Variants in HLCS observed in about 807,000 individuals in gnomAD.
The protein encoded by HLCS is biotin--protein ligase.
Under a neutral mutation model 75.0 loss-of-function variants are expected in HLCS, and 53 were observed. The observed-to-expected ratio is 0.71, with a 90% CI of 0.57 to 0.89. The LOEUF (loss-of-function observed/expected upper bound fraction) is 0.89. HLCS is among the 40% of genes least tolerant of loss of function. The probability of loss-of-function intolerance (pLI) is 0.00; values close to 1 mark genes in which losing one functional copy is unlikely to be tolerated. For missense variants in HLCS, 966 were observed against 1,074.0 expected, an observed-to-expected ratio of 0.90 and a Z score of 1.41; for synonymous variants, 431 against 428.6, an observed-to-expected ratio of 1.01 and a Z score of -0.07.
At chr21:36,855,521 G>GGGA in intron 6 of HLCS, among the ~76,000 whole-genome samples, 1 of 126,598 alleles carries the variant, frequency 7.9e-6, no homozygotes, top group Non-Finnish European at 1.6e-5. Flanking sequence ...CTGGGCAACA[G>GGGA]AGCAAGACTC....
chr21:36,936,068 A>G (rs1428656526), intron 4 of HLCS, among the ~76,000 whole-genome samples: 2 of 152,192 alleles, frequency 1.3e-5, no homozygotes, highest in African/African-American at 4.8e-5. Flanking sequence ...TTCCTACCTT[A>G]AATAAAGACT....
intron 5 of HLCS, 106 bp from the exon 6 acceptor site, chr21:36,897,237 C>A: frequency 9.1e-7 from 1 of 1,096,466 alleles, no homozygotes; most frequent in Admixed American, 1.8e-5. Context: ...CTTCCTAATT[C>A]ATGACCAAGA....
At chr21:36,939,113 A>G (rs2067025333) in intron 2 of HLCS, 119 bp from the exon 3 acceptor site, 2 of 862,414 alleles carry the variant, frequency 2.3e-6, no homozygotes, top group Non-Finnish European at 1.7e-6. Context: ...ACAGTCATTA[A>G]TAACAAATTA....
chr21:36,877,462 A>C lies in HLCS; in HGVS notation c.1892+19398T>G, dbSNP rs192477849. Among the ~76,000 whole-genome samples the C allele has an allele frequency of 6.6e-4, 100 of 152,166 alleles. 1 individual carries two copies. The highest frequency in any genetic ancestry group is 2.5e-4 in the Non-Finnish European group (17 of 67,966). On this transcript the variant is annotated intron_variant, in intron 6 of 10. Coordinates refer to ENST00000674895, the MANE Select transcript of HLCS (RefSeq NM_001352514.2). ...AATGTACATCCTTACCTTTTATATC[A>C]ACTTAGCATTAATATTGTACCATGT...
At chr21:36,855,727 C>T (rs1383265972) in intron 6 of HLCS, among the ~76,000 whole-genome samples, 2 of 151,416 alleles carry the variant, frequency 1.3e-5, no homozygotes, top group African/African-American at 4.8e-5. Flanking sequence ...CAGGTGCACG[C>T]CACCACACCT....
At chr21:36,979,145 G>A (rs1601939309) in intron 1 of HLCS, among the ~76,000 whole-genome samples, 1 of 151,880 alleles carries the variant, frequency 6.6e-6, no homozygotes. Context: ...GATGGCGGGC[G>A]CCTGTAGTCC....
At chr21:36,812,871 C>T (rs1034195389) in intron 6 of HLCS, among the ~76,000 whole-genome samples, 3 of 152,076 alleles carry the variant, frequency 2.0e-5, no homozygotes, top group Non-Finnish European at 4.4e-5. Context: ...CCAACCTGGG[C>T]AACAAAGTGA....
chr21:36,848,558 G>A (rs1418939772), intron 6 of HLCS, among the ~76,000 whole-genome samples: 3 of 152,064 alleles, frequency 2.0e-5, no homozygotes, highest in Admixed American at 6.6e-5. Flanking sequence ...TTGAGCCACC[G>A]CGCCCAGCCT....
intron 6 of HLCS, among the ~76,000 whole-genome samples, chr21:36,803,754 G>GAA (rs34392668): frequency 7.0e-6 from 1 of 142,964 alleles, no homozygotes. Context: ...TTTTTTTATT[G>GAA]AAAAAAAAAA....
chr21:36,931,613 G>T (rs1423730604), intron 4 of HLCS, among the ~76,000 whole-genome samples: 2 of 152,074 alleles, frequency 1.3e-5, no homozygotes, highest in Non-Finnish European at 2.9e-5. Context: ...AGCCAGGCGT[G>T]GGTGGTGCGG....
At chr21:36,849,480 G>C (rs927211797) in intron 6 of HLCS, among the ~76,000 whole-genome samples, 1 of 152,344 alleles carries the variant, frequency 6.6e-6, no homozygotes, top group Non-Finnish European at 1.5e-5. Flanking sequence ...TCTGCGGGTA[G>C]AAAAGGAGCC....
chr21:36,942,398 C>CAAAA (rs55999516), intron 2 of HLCS, among the ~76,000 whole-genome samples: 81 of 80,914 alleles, frequency 1.0e-3, no homozygotes, highest in Non-Finnish European at 1.3e-3. Context: ...GACTCCGTCT[C>CAAAA]AAAAAAAAAA....
intron 6 of HLCS, among the ~76,000 whole-genome samples, chr21:36,820,396 C>T (rs528805487): frequency 3.2e-4 from 49 of 152,340 alleles, no homozygotes; most frequent in African/African-American, 1.1e-3. Flanking sequence ...GGATTCCTCG[C>T]GCTGTCAGAG....
intron 9 of HLCS, chr21:36,759,117 A>G (rs1021084440): frequency 4.2e-6 from 2 of 471,154 alleles, no homozygotes; most frequent in Non-Finnish European, 8.8e-6. Context: ...ACATGGTTAC[A>G]TGTTTTTTGA....
chr21:36,931,635 A>G (rs1448272623), intron 4 of HLCS, among the ~76,000 whole-genome samples: 1 of 151,810 alleles, frequency 6.6e-6, no homozygotes, highest in Non-Finnish European at 1.5e-5. Context: ...TGTAGTCCCA[A>G]CTACTTGGGA....
Position 36,792,082 on chromosome 21 carries a change from G to A in HLCS, c.1893-24797C>T, listed in dbSNP as rs902301976. ...GAAGGTGAGTGCGCTACCTGTCAGC[G>A]TTCACAGGACTTTGCTCTGAAGAAC... On this transcript the variant is annotated intron_variant, in intron 6 of 10. Coordinates refer to ENST00000674895, the MANE Select transcript of HLCS (RefSeq NM_001352514.2). 3.3e-5 allele frequency among the ~76,000 whole-genome samples: 5 copies of A among 152,056 alleles called. No individual in the cohort carries two copies. In the South Asian group the frequency reaches 6.2e-4, roughly 19 times the overall value.
Position 36,754,155 on chromosome 21 carries a change from T to G in HLCS, c.*91A>C, listed in dbSNP as rs931759194. ...AAAGAACAAAGACTTAACAAATGAATTGGAGGAAAAGAAAATTCACCTACA... is the reference window on the plus strand; with the variant it reads ...AAAGAACAAAGACTTAACAAATGAAGTGGAGGAAAAGAAAATTCACCTACA... On this transcript the variant is annotated 3_prime_UTR_variant, in exon 11 of 11. Coordinates refer to ENST00000674895, the MANE Select transcript of HLCS (RefSeq NM_001352514.2). 1.6e-6 allele frequency: 2 copies of G among 1,257,832 alleles called. No homozygotes were observed. The highest frequency in any genetic ancestry group is 2.4e-5 in the East Asian group (1 of 41,172). 77.9% of individuals were successfully genotyped at this position (1,257,832 alleles called of 1,614,324 possible).
intron 6 of HLCS, among the ~76,000 whole-genome samples, chr21:36,871,948 C>T (rs527241522): frequency 6.6e-6 from 1 of 152,294 alleles, no homozygotes; most frequent in South Asian, 2.1e-4. Context: ...TACAACTGCA[C>T]ACCCACCAGA....
chr21:36,815,606 G>T (rs1460317516), intron 6 of HLCS, among the ~76,000 whole-genome samples: 1 of 152,164 alleles, frequency 6.6e-6, no homozygotes, highest in African/African-American at 2.4e-5. Flanking sequence ...GTAAAGACGG[G>T]GGATAGGTTG....
Sources: allele counts gnomAD v4.1 joint callset (sites outside exome capture counted in the v4.1 genomes callset), GRCh38; gene constraint gnomAD v4.1.1; transcripts MANE v1.5; gene names NCBI Gene and HGNC (gene_info 2026-07-23, HGNC 2026-07-21).